ASAP1: variants seen among roughly 807,000 people sequenced by gnomAD.
The protein encoded by ASAP1 is ArfGAP with SH3 domain, ankyrin repeat and PH domain 1, also known as arf-GAP with SH3 domain, ANK repeat and PH domain-containing protein 1.
In ASAP1, 43 loss-of-function variants were observed where a neutral mutation model predicts 145.2. The observed-to-expected ratio is 0.30, with a 90% CI of 0.23 to 0.38. The LOEUF (loss-of-function observed/expected upper bound fraction) is 0.38. Ranked by LOEUF, ASAP1 falls within the 10% of genes least tolerant of loss-of-function variation. The pLI is 1.00. For missense variants in ASAP1, 1,018 were observed against 1,355.3 expected (o/e 0.75, Z 3.91); for synonymous variants, 546 against 515.5 (o/e 1.06, Z -0.80).
rs1217953581 is a variant in ASAP1 at position 130,336,245 on chromosome 8, A to G, written c.186+21772T>C. Among the ~76,000 whole-genome samples, 5 of 152,248 alleles carry G rather than the reference A, an allele frequency of 3.3e-5. No homozygotes were observed. In the East Asian group the frequency reaches 9.6e-4, roughly 29 times the overall value. ...CTTAATAATCACAGTGGGGGAGAAG[A>G]AGGCAAAGTTACAAAAGGGCATGTG... is the stretch of plus-strand genomic sequence containing the variant. On this transcript the variant is annotated intron_variant, in intron 3 of 29. Transcript: ENST00000518721.
At position 130,076,263 on chromosome 8, in the gene ASAP1, G is replaced by A. The variant is rs998860943; in HGVS notation, c.2701+85C>T. Reference sequence around the variant, plus strand: ...CTCTAGGCATTTGGGATGGATCAATGAACAAGGGAGATAAAAACCTTGGGC... The same window carrying A: ...CTCTAGGCATTTGGGATGGATCAATAAACAAGGGAGATAAAAACCTTGGGC... On this transcript the variant is annotated intron_variant, in intron 27 of 29. Transcript: ENST00000518721. 6 of 939,876 alleles carry A rather than the reference G, an allele frequency of 6.4e-6. No homozygotes were observed. In the Admixed American group the frequency reaches 7.0e-5, roughly 11 times the overall value. The allele number at this position is 939,876 out of a possible 1,614,324, so 58.2% of individuals were successfully genotyped here.
chr8:130,184,658 T>TG, intron 7 of ASAP1, among the ~76,000 whole-genome samples: 1 of 152,240 alleles, frequency 6.6e-6, no homozygotes, highest in East Asian at 1.9e-4. Context: ...CACTGTTATT[T>TG]GGGGTTTCCA....
intron 2 of ASAP1, among the ~76,000 whole-genome samples, chr8:130,389,533 T>C (rs540250120): frequency 6.0e-4 from 92 of 152,286 alleles, no homozygotes; most frequent in Non-Finnish European, 1.0e-3. Context: ...GTGGTTGTGC[T>C]AGGTTAGAGT....
At chr8:130,056,639 G>T (rs1451150733) in intron 29 of ASAP1, among the ~76,000 whole-genome samples, 1 of 152,232 alleles carries the variant, frequency 6.6e-6, no homozygotes, top group Non-Finnish European at 1.5e-5. Flanking sequence ...CCTGAAGGAA[G>T]AAAAGTCAAA....
intron 29 of ASAP1, 136 bp downstream of exon 29, chr8:130,057,818 G>T: frequency 9.0e-7 from 1 of 1,107,482 alleles, no homozygotes; most frequent in Non-Finnish European, 1.3e-6. Flanking sequence ...AATGGCTGTT[G>T]GGTGAGTGAT....
Position 130,253,951 on chromosome 8 carries a change from G to A in ASAP1, c.187-16957C>T, listed in dbSNP as rs564274725. ...CATGAGAATCGCTTGAACCCAGGAG[G>A]TGGAGCTTTCGGTGAGCTGAGGTCA... On this transcript the variant is annotated intron_variant, in intron 3 of 29. Coordinates refer to ENST00000518721, the MANE Select transcript of ASAP1 (RefSeq NM_018482.4). Among the ~76,000 whole-genome samples the A allele has an allele frequency of 7.2e-5, 11 of 152,224 alleles. 1 individual carries two copies. The highest frequency in any genetic ancestry group is 5.8e-4 in the East Asian group (3 of 5,184).
At chr8:130,099,424 C>T (rs1181091466) in intron 24 of ASAP1, among the ~76,000 whole-genome samples, 2 of 152,064 alleles carry the variant, frequency 1.3e-5, no homozygotes, top group East Asian at 3.9e-4. Context: ...TCGTGATCCG[C>T]CCATCGTGGC....
chr8:130,059,136 T>C (rs990361649), intron 28 of ASAP1, among the ~76,000 whole-genome samples: 1 of 152,134 alleles, frequency 6.6e-6, no homozygotes, highest in African/African-American at 2.4e-5. Context: ...AATTTAAGTA[T>C]TGATATGACA....
intron 3 of ASAP1, among the ~76,000 whole-genome samples, chr8:130,277,305 G>A (rs760430390): frequency 1.3e-5 from 2 of 152,110 alleles, no homozygotes; most frequent in Admixed American, 6.6e-5. Flanking sequence ...ACTTGGTAAC[G>A]AGGACAACGG....
rs1180531772 is a variant in ASAP1, at chr8:130,367,958, C to CATA, written c.60-9816_60-9815insTAT. ...CATTGCTCCACTTGAAACAGGAAAA[C>CATA]TGCCCGCCCACTGCAGAGTTTTCTT... On this transcript the variant is annotated intron_variant, in intron 2 of 29. Coordinates refer to ENST00000518721, the MANE Select transcript of ASAP1 (RefSeq NM_018482.4). Among the ~76,000 whole-genome samples, 7 of 152,174 alleles carry CATA rather than the reference C, an allele frequency of 4.6e-5. No individual in the cohort carries two copies. In the East Asian group the frequency reaches 1.3e-3, roughly 29 times the overall value.
chr8:130,363,914 T>A (rs1316946489), intron 2 of ASAP1, among the ~76,000 whole-genome samples: 1 of 152,196 alleles, frequency 6.6e-6, no homozygotes, highest in East Asian at 1.9e-4. Context: ...AGGAAAGTGC[T>A]GAAGGAGCAG....
intron 11 of ASAP1, chr8:130,163,007 G>GT (rs1290745939): frequency 4.2e-5 from 7 of 167,304 alleles, no homozygotes; most frequent in Non-Finnish European, 1.3e-5. Context: ...CATTTGTTAA[G>GT]TTTTCAAATG....
chr8:130,410,761 G>A (rs1462234317), intron 1 of ASAP1, among the ~76,000 whole-genome samples: 1 of 152,236 alleles, frequency 6.6e-6, no homozygotes, highest in Non-Finnish European at 1.5e-5. Context: ...GCAAAGAGGA[G>A]AGCCCTTGGG....
At chr8:130,258,585 G>T (rs1252270534) in intron 3 of ASAP1, among the ~76,000 whole-genome samples, 2 of 152,182 alleles carry the variant, frequency 1.3e-5, no homozygotes, top group Non-Finnish European at 2.9e-5. Flanking sequence ...CCTCGGAAGG[G>T]CTCTGTGAGT....
intron 1 of ASAP1, among the ~76,000 whole-genome samples, chr8:130,403,554 C>CTT (rs372481861): frequency 0.3 from 37,738 of 125,058 alleles, 6,321 homozygotes; most frequent in African/African-American, 0.45. Context: ...TTTTCTTTTT[C>CTT]TTTTTTTTTT....
intron 23 of ASAP1, among the ~76,000 whole-genome samples, chr8:130,114,866 C>T (rs2097552448): frequency 6.6e-6 from 1 of 150,902 alleles, no homozygotes; most frequent in Non-Finnish European, 1.5e-5. Context: ...CCTCAAACTC[C>T]TGGGCTCAAG....
intron 16 of ASAP1, 107 bp from the exon 17 acceptor site, chr8:130,126,196 G>A: frequency 2.8e-6 from 3 of 1,066,898 alleles, no homozygotes; most frequent in Admixed American, 3.0e-5. Context: ...GAACTATGAA[G>A]AAAAGACTTA....
intron 4 of ASAP1, among the ~76,000 whole-genome samples, chr8:130,223,573 A>G (rs1471530618): frequency 6.6e-6 from 1 of 152,148 alleles, no homozygotes. Flanking sequence ...ATAAACTGTG[A>G]TCTAGGGCAA....
At position 130,180,845 on chromosome 8, in the gene ASAP1, T is replaced by C. The variant is rs758714592; in HGVS notation, c.566A>G (p.Lys189Arg). The C allele has an allele frequency of 6.2e-7, 1 of 1,613,478 alleles. No homozygotes were observed. The highest frequency in any genetic ancestry group is 8.5e-7 in the Non-Finnish European group (1 of 1,179,802). ...KIEKEKREHA[K>R]QHGMIRTEIT... Reference sequence around the variant, plus strand: ...CTCTGTGCGGATCATCCCATGTTGTTTTGCGTGCTCTCTTTTCTCTTTCTC... The same window carrying C: ...CTCTGTGCGGATCATCCCATGTTGTCTTGCGTGCTCTCTTTTCTCTTTCTC... The change falls in exon 8 of 30, where the codon AAA becomes AGA. Residue 189 changes from lysine (K) to arginine (R), a missense_variant. Coordinates refer to ENST00000518721, the MANE Select transcript of ASAP1 (RefSeq NM_018482.4).
Sources: gnomAD v4.1 joint callset for allele counts (sites outside exome capture counted in the v4.1 genomes callset) on GRCh38, gnomAD v4.1.1 for gene constraint, MANE v1.5 for transcripts, NCBI Gene and HGNC (gene_info 2026-07-23, HGNC 2026-07-21) for gene names.